The following TRDN variants were observed in gnomAD, a reference collection of about 807,000 sequenced individuals.
TRDN encodes triadin in skeletal muscle.
A neutral mutation model predicts 149.7 loss-of-function variants in TRDN; 161 were observed. That is an observed-to-expected ratio of 1.08 (90% CI 0.95 to 1.23). TRDN has a LOEUF of 1.23. Among genes scored for constraint, TRDN ranks in the 50% most tolerant of loss-of-function variants. The pLI, the probability that TRDN is intolerant of heterozygous loss-of-function variation, is 0.00. For synonymous variants in TRDN, 294 were observed against 250.5 expected (o/e 1.17, Z -1.64); for missense variants, 896 against 823.5 (o/e 1.09, Z -1.08).
At chr6:123,621,848 G>C (rs990144703) in intron 1 of TRDN, among the ~76,000 whole-genome samples, 1 of 152,094 alleles carries the variant, frequency 6.6e-6, no homozygotes, top group African/African-American at 2.4e-5. Flanking sequence ...CGACACCAAA[G>C]TGAGAGTCAA....
chr6:123,408,554 T>A (rs9388237), intron 12 of TRDN, among the ~76,000 whole-genome samples: 2 of 151,606 alleles, frequency 1.3e-5, no homozygotes, highest in Admixed American at 1.3e-4. Context: ...GGCGGGCACC[T>A]GTAATCCCAG....
chr6:123,475,865 A>T (rs930559408), intron 9 of TRDN, among the ~76,000 whole-genome samples: 4 of 152,138 alleles, frequency 2.6e-5, no homozygotes, highest in Non-Finnish European at 5.9e-5. Flanking sequence ...GCAACCCGTC[A>T]TGCTAAAAAC....
At chr6:123,334,171 A>T (rs561961686) in intron 22 of TRDN, among the ~76,000 whole-genome samples, 1 of 152,116 alleles carries the variant, frequency 6.6e-6, no homozygotes, top group South Asian at 2.1e-4. Flanking sequence ...GAAATGGCCA[A>T]GAAAAACATG....
At chr6:123,372,672 T>C (rs1781366753) in intron 19 of TRDN, among the ~76,000 whole-genome samples, 1 of 152,264 alleles carries the variant, frequency 6.6e-6, no homozygotes, top group Non-Finnish European at 1.5e-5. Flanking sequence ...AAAGGGGTGA[T>C]GTGGTCACAT....
At position 123,472,109 on chromosome 6, in the gene TRDN, TA is replaced by T. The variant is rs368075252; in HGVS notation, c.854-7127del. Among the ~76,000 whole-genome samples, 795 of 152,318 alleles carry T rather than the reference TA, an allele frequency of 5.2e-3. 6 individuals carry two copies. The highest frequency in any genetic ancestry group is 0.018 in the African/African-American group (737 of 41,580). On this transcript the variant is annotated intron_variant, in intron 9 of 40. Transcript: ENST00000334268. ...TGGCCGAATAGGAACAGCTCCAGTC[TA>T]CAGCTCCCAGCGTGAGCGACGCAGA...
At chr6:123,587,391 T>C (rs906608067) in intron 1 of TRDN, among the ~76,000 whole-genome samples, 2 of 150,262 alleles carry the variant, frequency 1.3e-5, no homozygotes, top group Non-Finnish European at 3.0e-5. Flanking sequence ...GATTGAAGAG[T>C]GGAAAGGAGA....
chr6:123,570,739 C>T (rs900672734), intron 2 of TRDN, among the ~76,000 whole-genome samples, 184 bp downstream of exon 2: 1 of 151,846 alleles, frequency 6.6e-6, no homozygotes, highest in Non-Finnish European at 1.5e-5. Flanking sequence ...GTACCACCGA[C>T]AAAGAAAGAG....
chr6:123,450,379 AG>A (rs2114650711), intron 10 of TRDN, among the ~76,000 whole-genome samples: 1 of 152,274 alleles, frequency 6.6e-6, no homozygotes, highest in East Asian at 1.9e-4. Flanking sequence ...CTTAAAGGAA[AG>A]GGGTAGAAAA....
At chr6:123,615,774 G>T (rs987072010) in intron 1 of TRDN, among the ~76,000 whole-genome samples, 2 of 152,176 alleles carry the variant, frequency 1.3e-5, no homozygotes, top group African/African-American at 4.8e-5. Context: ...GATAGCCAAA[G>T]GTTGGTTAAT....
intron 1 of TRDN, among the ~76,000 whole-genome samples, chr6:123,598,317 C>T (rs956969968): frequency 4.6e-5 from 7 of 152,018 alleles, no homozygotes; most frequent in East Asian, 1.9e-4. Context: ...GACACGCTAT[C>T]GTGAGGTTGA....
intron 20 of TRDN, among the ~76,000 whole-genome samples, chr6:123,363,817 A>G (rs1322432492): frequency 6.6e-6 from 1 of 152,138 alleles, no homozygotes; most frequent in East Asian, 1.9e-4. Context: ...TTTCTACCCT[A>G]AATACTGTTC....
intron 8 of TRDN, among the ~76,000 whole-genome samples, chr6:123,499,175 G>A (rs1262238261): frequency 6.6e-6 from 1 of 152,046 alleles, no homozygotes; most frequent in African/African-American, 2.4e-5. Flanking sequence ...TATGTATGTT[G>A]GAAGTTTAGA....
intron 13 of TRDN, among the ~76,000 whole-genome samples, chr6:123,392,897 C>T (rs989079977): frequency 6.6e-6 from 1 of 152,064 alleles, no homozygotes; most frequent in South Asian, 2.1e-4. Flanking sequence ...GTACCACCAC[C>T]TATGTGCATC....
intron 4 of TRDN, among the ~76,000 whole-genome samples, chr6:123,546,958 TA>T: frequency 6.6e-6 from 1 of 151,780 alleles, no homozygotes; most frequent in East Asian, 1.9e-4. Flanking sequence ...GCAAAAAAAA[TA>T]AAAGGAAAAG....
intron 5 of TRDN, among the ~76,000 whole-genome samples, chr6:123,522,405 AT>A (rs1157939272): frequency 2.0e-5 from 3 of 148,172 alleles, no homozygotes; most frequent in African/African-American, 7.5e-5. Flanking sequence ...TTGCAAAAAA[AT>A]AAGGCAATAT....
intron 1 of TRDN, among the ~76,000 whole-genome samples, chr6:123,634,004 A>G (rs1786154334): frequency 6.6e-6 from 1 of 152,042 alleles, no homozygotes; most frequent in African/African-American, 2.4e-5. Context: ...TAAGGTAATG[A>G]GTTATCTCTT....
intron 1 of TRDN, among the ~76,000 whole-genome samples, chr6:123,634,481 T>C (rs2114752115): frequency 6.6e-6 from 1 of 151,828 alleles, no homozygotes; most frequent in South Asian, 2.1e-4. Flanking sequence ...GAAAAAAATA[T>C]AGCAGATGAG....
At position 123,636,759 on chromosome 6, in the gene TRDN, G is replaced by A. The variant is rs764897557; in HGVS notation, c.17C>T (p.Ala6Val). 20 of 1,611,388 alleles carry A rather than the reference G, an allele frequency of 1.2e-5. No homozygotes were observed. The highest frequency in any genetic ancestry group is 1.6e-5 in the Non-Finnish European group (19 of 1,178,404). Residue 6 changes from alanine to valine, a missense_variant, in exon 1 of 41, where the codon GCT becomes GTT. Physicochemically the swap from Ala to Val is moderately conservative, Grantham distance 64. Coordinates refer to ENST00000334268, the MANE Select transcript of TRDN (RefSeq NM_006073.4). ...TCGGAAAATGGTAGCAATACCTTCAGCAGTGATCTCAGTCATGGTGGTCGT... is the reference window on the plus strand; with the variant it reads ...TCGGAAAATGGTAGCAATACCTTCAACAGTGATCTCAGTCATGGTGGTCGT... The part of the protein sequence containing the change: MTEIT[A>V]EGNASTTTTV...
intron 1 of TRDN, among the ~76,000 whole-genome samples, chr6:123,626,893 T>C (rs1235032263): frequency 1.4e-5 from 2 of 147,494 alleles, no homozygotes; most frequent in Middle Eastern, 3.4e-3. Flanking sequence ...CCTTATAAAA[T>C]GTTTTTTTTA....
Sources: gnomAD v4.1 joint callset for allele counts (sites outside exome capture counted in the v4.1 genomes callset) on GRCh38, gnomAD v4.1.1 for gene constraint, MANE v1.5 for transcripts, NCBI Gene and HGNC (gene_info 2026-07-23, HGNC 2026-07-21) for gene names.